Variants in DACH2 observed in about 807,000 individuals in gnomAD.
DACH2 encodes dachshund homolog 2.
A neutral mutation model predicts 35.8 loss-of-function variants in DACH2; 17 were observed. The ratio of observed to expected loss-of-function variants is 0.48; its 90% confidence interval spans 0.33 to 0.71. The LOEUF is 0.71. DACH2 is among the 30% of genes least tolerant of loss of function. The pLI, the probability that DACH2 is intolerant of heterozygous loss-of-function variation, is 0.02. For missense variants in DACH2, 469 were observed against 472.7 expected, an observed-to-expected ratio of 0.99 and a Z score of 0.07; for synonymous variants, 195 against 177.3, an observed-to-expected ratio of 1.10 and a Z score of -0.79.
chrX:86,692,185 G>A (rs770398312), intron 4 of DACH2, among the ~76,000 whole-genome samples: 2 of 110,999 alleles, frequency 1.8e-5, no homozygotes, highest in East Asian at 5.7e-4. Context: ...ATCCACATTT[G>A]GTGGAGGTGG....
At chrX:86,638,113 A>G (rs1239666674) in intron 3 of DACH2, among the ~76,000 whole-genome samples, 3 of 111,523 alleles carry the variant, frequency 2.7e-5, no homozygotes, top group African/African-American at 9.8e-5. Context: ...AGCCATGTAC[A>G]TACAGCCAAC....
chrX:86,171,507 C>T (rs1316896069), intron 1 of DACH2, among the ~76,000 whole-genome samples: 5 of 111,854 alleles, frequency 4.5e-5, no homozygotes, highest in African/African-American at 1.6e-4. Context: ...GTGAGGTTTG[C>T]TGATGGCTCA....
chrX:86,404,339 G>A (rs996216744), intron 2 of DACH2, among the ~76,000 whole-genome samples: 1 of 111,845 alleles, frequency 8.9e-6, no homozygotes, highest in Admixed American at 9.5e-5. Context: ...TGAAAAGCAA[G>A]TTATTTACTT....
chrX:86,326,488 T>TACAC (rs1348429592), intron 1 of DACH2, among the ~76,000 whole-genome samples: 4 of 83,498 alleles, frequency 4.8e-5, no homozygotes, highest in Admixed American at 1.4e-4. Context: ...AAATTATACA[T>TACAC]ACACACACAC....
intron 3 of DACH2, among the ~76,000 whole-genome samples, chrX:86,525,656 G>T (rs2038621214): frequency 1.8e-5 from 2 of 111,396 alleles, no homozygotes; most frequent in African/African-American, 6.5e-5. Context: ...CCACTACTCT[G>T]GCAGTAATGT....
At chrX:86,493,678 A>G (rs1203720909) in intron 2 of DACH2, among the ~76,000 whole-genome samples, 1 of 111,790 alleles carries the variant, frequency 8.9e-6, no homozygotes, top group Non-Finnish European at 1.9e-5. Context: ...GATTAGGAAT[A>G]TGATTCCTAT....
At chrX:86,618,017 T>C (rs1433355226) in intron 3 of DACH2, among the ~76,000 whole-genome samples, 2 of 112,408 alleles carry the variant, frequency 1.8e-5, no homozygotes, top group East Asian at 5.6e-4. Context: ...GGCTTGTGCC[T>C]GTAATCCTGG....
At chrX:86,257,742 GA>G (rs779107576) in intron 1 of DACH2, among the ~76,000 whole-genome samples, 150 of 110,894 alleles carry the variant, frequency 1.4e-3, no homozygotes, top group Non-Finnish European at 2.6e-3. Flanking sequence ...AGAAGCAAAG[GA>G]AAAAAAATGC....
intron 4 of DACH2, among the ~76,000 whole-genome samples, chrX:86,681,883 G>A: frequency 9.1e-6 from 1 of 109,442 alleles, no homozygotes; most frequent in Non-Finnish European, 1.9e-5. Flanking sequence ...TTAGTGATTG[G>A]CTTCCAAGAA....
intron 1 of DACH2, among the ~76,000 whole-genome samples, chrX:86,181,215 T>C (rs999190715): frequency 1.8e-5 from 2 of 109,781 alleles, no homozygotes; most frequent in African/African-American, 6.7e-5. Context: ...CTTTAAGTTC[T>C]GGGATACATG....
chrX:86,717,449 T>C (rs949562675), intron 6 of DACH2, among the ~76,000 whole-genome samples: 1 of 110,713 alleles, frequency 9.0e-6, no homozygotes, highest in Non-Finnish European at 1.9e-5. Flanking sequence ...TTTACATATA[T>C]AGATATATAG....
intron 3 of DACH2, among the ~76,000 whole-genome samples, chrX:86,615,019 C>G (rs2039987494): frequency 9.0e-6 from 1 of 111,274 alleles, no homozygotes; most frequent in Non-Finnish European, 1.9e-5. Flanking sequence ...GTGAATAGGT[C>G]CATAAAATGT....
intron 1 of DACH2, among the ~76,000 whole-genome samples, chrX:86,167,000 G>C (rs186401451): frequency 9.0e-6 from 1 of 111,354 alleles, no homozygotes; most frequent in Admixed American, 9.6e-5. Flanking sequence ...ATTCATAGGA[G>C]ATATTGGATT....
intron 1 of DACH2, among the ~76,000 whole-genome samples, chrX:86,170,560 A>G (rs777846938): frequency 1.5e-4 from 17 of 111,937 alleles, no homozygotes; most frequent in African/African-American, 5.5e-4. Flanking sequence ...AAATCACAAG[A>G]CTTAGTCTTT....
intron 3 of DACH2, among the ~76,000 whole-genome samples, chrX:86,642,264 C>A (rs919242131): frequency 9.0e-6 from 1 of 111,424 alleles, no homozygotes; most frequent in Non-Finnish European, 1.9e-5. Flanking sequence ...GTAGAAAAAT[C>A]TATCAAGCAA....
At position 86,547,306 on chromosome X, in the gene DACH2, A is replaced by T. The variant is rs781594222; in HGVS notation, c.640+32915A>T. 1.8e-4 allele frequency among the ~76,000 whole-genome samples: 20 copies of T among 111,996 alleles called. No individual in the cohort carries two copies. In the East Asian group the frequency reaches 3.7e-3, roughly 21 times the overall value. On this transcript the variant is annotated intron_variant, in intron 3 of 11. Coordinates refer to ENST00000373125, the MANE Select transcript of DACH2 (RefSeq NM_053281.3). The stretch of plus-strand genomic sequence containing the variant: ...CCGGGGAGTTTCCTTAGATAAAATT[A>T]AAAAATTTCATTGGCCAGTGGGACT...
intron 1 of DACH2, among the ~76,000 whole-genome samples, chrX:86,278,912 A>G (rs2033969802): frequency 8.9e-6 from 1 of 111,983 alleles, no homozygotes; most frequent in South Asian, 3.8e-4. Context: ...CTCACAGTGT[A>G]AACAAAGCCT....
At chrX:86,669,586 G>A (rs995190776) in intron 4 of DACH2, among the ~76,000 whole-genome samples, 1 of 111,197 alleles carries the variant, frequency 9.0e-6, no homozygotes, top group Non-Finnish European at 1.9e-5. Context: ...GGCCCAAAGA[G>A]GCTCAGTGAT....
In DACH2 at chrX:86,295,561, A is replaced by T. The variant is rs767712262; in HGVS notation, c.489-81263A>T. ...TTGCGGCCCCAGAACACTTTAGCCC[A>T]TGGTGGTGAGGCTTGTGGGAACTCA... is the stretch of plus-strand genomic sequence containing the variant. On this transcript the variant is annotated intron_variant, in intron 1 of 11. Transcript: ENST00000373125. 4.3e-4 allele frequency among the ~76,000 whole-genome samples: 48 copies of T among 111,571 alleles called. 1 individual carries two copies. Among genetic ancestry groups the T allele is most frequent in the African/African-American group, 1.4e-3 (43 of 30,746 alleles).
Sources: gnomAD v4.1 joint callset for allele counts (sites outside exome capture counted in the v4.1 genomes callset) on GRCh38, gnomAD v4.1.1 for gene constraint, MANE v1.5 for transcripts, NCBI Gene and HGNC (gene_info 2026-07-23, HGNC 2026-07-21) for gene names.